The following SLCO4C1 variants were observed in gnomAD, a reference collection of about 807,000 sequenced individuals.
SLCO4C1 encodes organic anion transporter M1.
Under a neutral mutation model 72.1 loss-of-function variants are expected in SLCO4C1, and 58 were observed. The observed-to-expected ratio is 0.80, with a 90% CI of 0.65 to 1.00. The LOEUF (loss-of-function observed/expected upper bound fraction) is 1.00. SLCO4C1 is among the 50% of genes least tolerant of loss of function. The pLI is 0.00. For synonymous variants in SLCO4C1, 297 were observed against 312.5 expected (o/e 0.95, Z 0.52); for missense variants, 898 against 857.9 (o/e 1.05, Z -0.58).
intron 10 of SLCO4C1, among the ~76,000 whole-genome samples, chr5:102,245,753 A>T (rs1748624813): frequency 2.0e-5 from 3 of 152,338 alleles, no homozygotes; most frequent in South Asian, 4.1e-4. Context: ...TCTTTTCGTC[A>T]GCACATGGAT....
At chr5:102,282,156 A>G (rs1393065846) in intron 2 of SLCO4C1, among the ~76,000 whole-genome samples, 26 of 152,098 alleles carry the variant, frequency 1.7e-4, no homozygotes, top group Non-Finnish European at 1.5e-5. Flanking sequence ...ATTCCAAAAT[A>G]TTATATACCG....
chr5:102,266,560 G>A (rs1281007622), intron 3 of SLCO4C1, among the ~76,000 whole-genome samples: 1 of 152,070 alleles, frequency 6.6e-6, no homozygotes, highest in African/African-American at 2.4e-5. Flanking sequence ...TGAGGCAGGA[G>A]AATCACTTAA....
intron 2 of SLCO4C1, among the ~76,000 whole-genome samples, chr5:102,278,030 C>T (rs765292343): frequency 2.6e-5 from 4 of 151,920 alleles, no homozygotes; most frequent in Non-Finnish European, 5.9e-5. Flanking sequence ...ATTTACATTA[C>T]ATGTAAATGG....
Position 102,236,603 on chromosome 5 carries a change from T to G in SLCO4C1, c.*255A>C. The G allele has an allele frequency of 3.0e-6, 1 of 336,162 alleles. No individual in the cohort carries two copies. Among genetic ancestry groups the G allele is most frequent in the Non-Finnish European group, 5.3e-6 (1 of 188,008 alleles). 20.8% of individuals were successfully genotyped at this position (336,162 alleles called of 1,614,324 possible). The stretch of plus-strand genomic sequence containing the variant: ...GTGCGTGTGTGTGTGTGTGTGTGTG[T>G]TCGTGTGTGTGTGTGTGTGTGTGCT... On this transcript the variant is annotated 3_prime_UTR_variant, in exon 13 of 13. Transcript: ENST00000310954.
intron 2 of SLCO4C1, among the ~76,000 whole-genome samples, chr5:102,285,238 C>CACACACACACACACACACAA (rs1330176372): frequency 7.3e-5 from 11 of 150,468 alleles, no homozygotes; most frequent in African/African-American, 2.7e-4. Context: ...CACACACACA[C>CACACACACACACACACACAA]AAATATATAC....
intron 12 of SLCO4C1, among the ~76,000 whole-genome samples, chr5:102,238,293 A>G (rs1748476169): frequency 6.6e-6 from 1 of 152,190 alleles, no homozygotes. Context: ...TTTTAAACAT[A>G]AAAACATTGT....
intron 8 of SLCO4C1, 94 bp from the exon 9 acceptor site, chr5:102,249,882 A>G (rs1748706340): frequency 2.4e-6 from 3 of 1,230,028 alleles, no homozygotes; most frequent in Middle Eastern, 4.0e-4. Context: ...TAGGTCATTT[A>G]TTCACTCACT....
At chr5:102,271,535 T>C (rs371675560) in intron 2 of SLCO4C1, among the ~76,000 whole-genome samples, 1 of 151,788 alleles carries the variant, frequency 6.6e-6, no homozygotes, top group Admixed American at 6.6e-5. Flanking sequence ...GTCATACAAA[T>C]ATGCAATCCC....
chr5:102,289,499 C>T (rs946161421), intron 2 of SLCO4C1, among the ~76,000 whole-genome samples: 1 of 152,126 alleles, frequency 6.6e-6, no homozygotes, highest in Non-Finnish European at 1.5e-5. Flanking sequence ...AGGTTGAGGG[C>T]CCAGAAACAG....
chr5:102,289,086 A>G (rs1749505467), intron 2 of SLCO4C1, among the ~76,000 whole-genome samples: 1 of 152,194 alleles, frequency 6.6e-6, no homozygotes, highest in African/African-American at 2.4e-5. Context: ...GCTATTATTT[A>G]AATTATGAGT....
chr5:102,270,917 T>A (rs972755908), intron 2 of SLCO4C1, 111 bp from the exon 3 acceptor site: 4 of 859,332 alleles, frequency 4.7e-6, no homozygotes, highest in Admixed American at 6.6e-5. Flanking sequence ...TTTCTTCCAA[T>A]CATTTTACTT....
At chr5:102,284,783 C>T (rs1322758564) in intron 2 of SLCO4C1, among the ~76,000 whole-genome samples, 1 of 152,108 alleles carries the variant, frequency 6.6e-6, no homozygotes, top group Non-Finnish European at 1.5e-5. Flanking sequence ...AAACCTCTAC[C>T]TACCAGCAAA....
intron 9 of SLCO4C1, among the ~76,000 whole-genome samples, chr5:102,247,789 C>G (rs116318488): frequency 6.6e-6 from 1 of 152,180 alleles, no homozygotes; most frequent in Non-Finnish European, 1.5e-5. Context: ...TTTTACATCT[C>G]AACTCCATCC....
chr5:102,281,724 T>C (rs1376384038), intron 2 of SLCO4C1, among the ~76,000 whole-genome samples: 1 of 152,106 alleles, frequency 6.6e-6, no homozygotes, highest in African/African-American at 2.4e-5. Flanking sequence ...CACAACGAGA[T>C]TTCACTGTAC....
intron 1 of SLCO4C1, among the ~76,000 whole-genome samples, chr5:102,293,819 C>T (rs1279655456): frequency 6.6e-6 from 1 of 152,176 alleles, no homozygotes; most frequent in Non-Finnish European, 1.5e-5. Context: ...ACTGCAACCT[C>T]CACCTCCCGG....
intron 1 of SLCO4C1, among the ~76,000 whole-genome samples, chr5:102,293,829 G>A (rs3114662): frequency 0.017 from 2,620 of 152,200 alleles, 78 homozygotes; most frequent in African/African-American, 0.06. Context: ...CCACCTCCCG[G>A]GTTCCAGCCA....
At chr5:102,251,744 C>T (rs1748743444) in intron 8 of SLCO4C1, among the ~76,000 whole-genome samples, 1 of 152,112 alleles carries the variant, frequency 6.6e-6, no homozygotes, top group Non-Finnish European at 1.5e-5. Flanking sequence ...AGCTAGATTT[C>T]TTAATAACCA....
At chr5:102,259,306 G>A (rs1178704369) in intron 6 of SLCO4C1, among the ~76,000 whole-genome samples, 1 of 151,618 alleles carries the variant, frequency 6.6e-6, no homozygotes, top group East Asian at 1.9e-4. Flanking sequence ...AAAAAGTAAT[G>A]GTCAGTAATG....
intron 2 of SLCO4C1, among the ~76,000 whole-genome samples, chr5:102,286,579 C>G (rs1749456420): frequency 6.6e-6 from 1 of 151,990 alleles, no homozygotes; most frequent in Non-Finnish European, 1.5e-5. Context: ...TGTTTTGACA[C>G]TATGTTTGGG....
Sources: gnomAD v4.1 joint callset for allele counts (sites outside exome capture counted in the v4.1 genomes callset) on GRCh38, gnomAD v4.1.1 for gene constraint, MANE v1.5 for transcripts, NCBI Gene and HGNC (gene_info 2026-07-23, HGNC 2026-07-21) for gene names.